MPHOSPH8: variants seen among roughly 807,000 people sequenced by gnomAD.
The protein encoded by MPHOSPH8 is M-phase phosphoprotein 8.
Under a neutral mutation model 87.3 loss-of-function variants are expected in MPHOSPH8, and 45 were observed. That is an observed-to-expected ratio of 0.52 (90% confidence interval 0.41 to 0.66). MPHOSPH8 has a LOEUF of 0.66. Ranked by LOEUF, MPHOSPH8 falls within the 30% of genes least tolerant of loss-of-function variation. The pLI is 0.00. For synonymous variants in MPHOSPH8, 366 were observed against 376.9 expected (o/e 0.97, Z 0.33); for missense variants, 883 against 1,020.2 (o/e 0.87, Z 1.83).
rs566133288 is a variant in MPHOSPH8 at position 19,633,755 on chromosome 13, C to G, written c.7C>G (p.Gln3Glu). 8 of 1,594,102 alleles carry G rather than the reference C, an allele frequency of 5.0e-6. No homozygotes were observed. Among genetic ancestry groups the G allele is most frequent in the African/African-American group, 2.7e-5 (2 of 74,700 alleles). ME[Q>E]VAEGARVTAV... ...GGTTTGCGGAGCTGCTAGGATGGAGCAGGTTGCGGAGGGAGCAAGGGTGAC... is the reference window on the plus strand; with the variant it reads ...GGTTTGCGGAGCTGCTAGGATGGAGGAGGTTGCGGAGGGAGCAAGGGTGAC... The change falls in exon 1 of 14, where the codon CAG (glutamine) becomes GAG (glutamate). Residue 3 changes from glutamine to glutamate, a missense_variant. By Grantham distance (29) the Gln-to-Glu change is conservative. Around this residue, in one of 3 missense-constraint regions of MPHOSPH8, gnomAD observed 103 missense variants for 96.3 expected, o/e 1.07. Transcript: ENST00000361479.
intron 13 of MPHOSPH8, 77 bp downstream of exon 13, chr13:19,671,366 A>C: frequency 7.5e-7 from 1 of 1,341,468 alleles, no homozygotes. Context: ...TTAGAAAAAA[A>C]ATTCCAAGAA....
At chr13:19,655,739 T>A (rs1875123338) in intron 5 of MPHOSPH8, among the ~76,000 whole-genome samples, 1 of 152,140 alleles carries the variant, frequency 6.6e-6, no homozygotes, top group Non-Finnish European at 1.5e-5. Context: ...TCAACACTTT[T>A]ATTCAACATT....
rs1405032676 is a variant in MPHOSPH8, at chr13:19,647,214, G to A, written c.1141G>A (p.Val381Ile). ...SAAELEKLMP[V>I]SAQTPKGRRL... The stretch of plus-strand genomic sequence containing the variant: ...TGCAGAGTTAGAGAAGCTGATGCCT[G>A]TATCTGCCCAAACGCCAAAGGGCCG... Residue 381 changes from valine to isoleucine, a missense_variant, in exon 3 of 14, where the codon GTA becomes ATA. Physicochemically the swap from Val to Ile is conservative, Grantham distance 29. Coordinates refer to ENST00000361479, the MANE Select transcript of MPHOSPH8 (RefSeq NM_017520.4). The A allele has an allele frequency of 1.9e-6, 3 of 1,614,032 alleles. No individual in the cohort carries two copies. The highest frequency in any genetic ancestry group is 2.5e-6 in the Non-Finnish European group (3 of 1,180,034).
intron 10 of MPHOSPH8, among the ~76,000 whole-genome samples, 178 bp from the exon 11 acceptor site, chr13:19,668,199 G>A (rs908837526): frequency 6.6e-6 from 1 of 152,240 alleles, no homozygotes; most frequent in African/African-American, 2.4e-5. Context: ...CACTGAGATG[G>A]ACAACAAGAC....
At chr13:19,640,878 G>A (rs1874251258) in intron 1 of MPHOSPH8, among the ~76,000 whole-genome samples, 1 of 152,098 alleles carries the variant, frequency 6.6e-6, no homozygotes, top group Non-Finnish European at 1.5e-5. Context: ...CGTTTGAAAA[G>A]TTATAACAAA....
At chr13:19,645,236 A>C (rs774793186) in intron 2 of MPHOSPH8, among the ~76,000 whole-genome samples, 2 of 152,112 alleles carry the variant, frequency 1.3e-5, no homozygotes, top group Non-Finnish European at 2.9e-5. Context: ...GCTTCCCCTG[A>C]GTGACCATCC....
intron 5 of MPHOSPH8, among the ~76,000 whole-genome samples, chr13:19,656,277 CAAAAAAAAAA>C (rs71198922): frequency 1.4e-5 from 1 of 72,246 alleles, no homozygotes; most frequent in Non-Finnish European, 2.3e-5. Context: ...AGACTGTTGT[CAAAAAAAAAA>C]AAAAAAAAAA....
intron 5 of MPHOSPH8, among the ~76,000 whole-genome samples, chr13:19,656,297 AAAAC>A (rs1875169519): frequency 6.6e-6 from 1 of 151,230 alleles, no homozygotes; most frequent in Non-Finnish European, 1.5e-5. Flanking sequence ...AAAAAAAAAA[AAAAC>A]TGTCGTCATC....
intron 8 of MPHOSPH8, among the ~76,000 whole-genome samples, chr13:19,662,460 G>A (rs1013910614): frequency 1.3e-5 from 2 of 151,864 alleles, no homozygotes; most frequent in African/African-American, 2.4e-5. Context: ...GTCTCACTGT[G>A]TTGCCCAGCC....
At chr13:19,647,344 C>G in intron 3 of MPHOSPH8, 53 bp downstream of exon 3, 2 of 1,446,108 alleles carry the variant, frequency 1.4e-6, no homozygotes, top group East Asian at 4.6e-5. Context: ...CAAGACATTT[C>G]ACAAGCAAGG....
At chr13:19,653,314 A>G (rs1874963019) in intron 5 of MPHOSPH8, among the ~76,000 whole-genome samples, 1 of 152,170 alleles carries the variant, frequency 6.6e-6, no homozygotes, top group South Asian at 2.1e-4. Flanking sequence ...CCTCCAGCAA[A>G]CCTGCAGCAG....
chr13:19,649,424 T>C (rs1037517613), intron 4 of MPHOSPH8, among the ~76,000 whole-genome samples: 3 of 152,204 alleles, frequency 2.0e-5, no homozygotes, highest in Non-Finnish European at 4.4e-5. Context: ...ACCTGTCTGC[T>C]GTGTACCCAG....
At chr13:19,638,545 G>A (rs1381853224) in intron 1 of MPHOSPH8, among the ~76,000 whole-genome samples, 1 of 150,960 alleles carries the variant, frequency 6.6e-6, no homozygotes. Context: ...CCCAGGAGGC[G>A]AAGGTTGTGG....
chr13:19,640,374 A>T (rs1421668005), intron 1 of MPHOSPH8, among the ~76,000 whole-genome samples: 1 of 152,210 alleles, frequency 6.6e-6, no homozygotes. Flanking sequence ...ATTTAAAAAT[A>T]TAGAACAATT....
chr13:19,664,850 G>C (rs145710482), intron 9 of MPHOSPH8, among the ~76,000 whole-genome samples: 1,547 of 152,260 alleles, frequency 0.01, 20 homozygotes, highest in Middle Eastern at 0.017. Flanking sequence ...GTTTGTTGCT[G>C]TCCAGCTCTG....
rs1326344568 is a variant in MPHOSPH8 at position 19,659,097 on chromosome 13, C to T, written c.1679C>T (p.Ala560Val). 17 of 1,614,080 alleles carry T rather than the reference C, an allele frequency of 1.1e-5. No homozygotes were observed. The highest frequency in any genetic ancestry group is 1.3e-5 in the African/African-American group (1 of 75,036). ...KHLDGKDENF[A>V]ATDAIPSNVL... ...CTTGATGGGAAAGATGAGAATTTTG[C>T]TGCAACAGATGCAATTCCAAGTAGT... Residue 560 changes from alanine (A) to valine (V), a missense_variant, in exon 6 of 14, where the codon GCT becomes GTT. By Grantham distance (64) the Ala-to-Val change is moderately conservative. Coordinates refer to ENST00000361479, the MANE Select transcript of MPHOSPH8 (RefSeq NM_017520.4).
In MPHOSPH8 at chr13:19,666,507, A is replaced by C. The variant is rs1875822479; in HGVS notation, c.2102A>C (p.Asn701Thr). Residue 701 changes from asparagine to threonine, a missense_variant, in exon 10 of 14, where the codon AAT becomes ACT. Physicochemically the swap from Asn to Thr is moderately conservative, Grantham distance 65. Transcript: ENST00000361479. ...TGCAATATTTTGTCAAAGCACCAGA[A>C]TAGTGCCCTGCACTTTGCGAAGCAG... ...ADCNILSKHQ[N>T]SALHFAKQSN... The C allele has an allele frequency of 6.2e-7, 1 of 1,611,762 alleles. No individual in the cohort carries two copies. The highest frequency in any genetic ancestry group is 8.5e-7 in the Non-Finnish European group (1 of 1,177,976).
chr13:19,669,055 T>C (rs1044673499), intron 11 of MPHOSPH8, among the ~76,000 whole-genome samples: 6 of 152,188 alleles, frequency 3.9e-5, no homozygotes, highest in African/African-American at 1.4e-4. Flanking sequence ...TGGCTTTTTT[T>C]GCTTAGAAAC....
At chr13:19,651,575 A>G (rs1874853785) in intron 5 of MPHOSPH8, among the ~76,000 whole-genome samples, 1 of 151,980 alleles carries the variant, frequency 6.6e-6, no homozygotes, top group Non-Finnish European at 1.5e-5. Context: ...ATGTGCCTAT[A>G]GTCACAGCTA....
Sources: gnomAD v4.1 joint callset for allele counts (sites outside exome capture counted in the v4.1 genomes callset) on GRCh38, gnomAD v4.1.1 for gene constraint, gnomAD v4.1.1 regional missense constraint, MANE v1.5 for transcripts, NCBI Gene and HGNC (gene_info 2026-07-23, HGNC 2026-07-21) for gene names.